Variants in NEO1 observed in about 807,000 individuals in gnomAD.
NEO1 encodes neogenin.
NEO1 carries 63 observed loss-of-function variants against 159.7 expected under a neutral mutation model. The observed-to-expected ratio is 0.39, with a 90% CI of 0.32 to 0.49. The LOEUF (loss-of-function observed/expected upper bound fraction) is 0.49. Among genes scored for constraint, NEO1 ranks in the 20% least tolerant of loss-of-function variants. The pLI, the probability that NEO1 is intolerant of heterozygous loss-of-function variation, is 0.85. For missense variants in NEO1, 1,615 were observed against 1,831.0 expected (o/e 0.88, Z 2.15); for synonymous variants, 633 against 662.0 (o/e 0.96, Z 0.67).
At chr15:73,106,237 A>AT (rs1187803396) in intron 1 of NEO1, among the ~76,000 whole-genome samples, 1 of 152,094 alleles carries the variant, frequency 6.6e-6, no homozygotes, top group Admixed American at 6.6e-5. Flanking sequence ...AAATAATACA[A>AT]TTTTTTTATT....
chr15:73,292,558 T>C (rs1291467146), intron 25 of NEO1, among the ~76,000 whole-genome samples: 1 of 152,204 alleles, frequency 6.6e-6, no homozygotes, highest in East Asian at 1.9e-4. Flanking sequence ...TGAAGCCTCA[T>C]AGAAAGTAGT....
intron 1 of NEO1, among the ~76,000 whole-genome samples, chr15:73,069,683 T>A (rs2068440861): frequency 6.6e-6 from 1 of 152,020 alleles, no homozygotes; most frequent in South Asian, 2.1e-4. Context: ...CGTATATATA[T>A]ACGCACACAC....
At chr15:73,244,295 G>A (rs752131742) in intron 8 of NEO1, 49 bp from the exon 9 acceptor site, 1 of 1,563,548 alleles carries the variant, frequency 6.4e-7, no homozygotes, top group Non-Finnish European at 8.7e-7. Context: ...TGTACATTCT[G>A]GAAGTATTCC....
chr15:73,097,342 G>C (rs932179634), intron 1 of NEO1, among the ~76,000 whole-genome samples: 34 of 148,578 alleles, frequency 2.3e-4, no homozygotes, highest in African/African-American at 8.2e-4. Flanking sequence ...TCTCATATTT[G>C]GCCAGTCAGA....
Position 73,052,595 on chromosome 15 carries a change from C to T in NEO1, c.-81C>T. 1.1e-6 allele frequency: 1 copy of T among 931,344 alleles called. No individual in the cohort carries two copies. The highest frequency in any genetic ancestry group is 1.4e-6 in the Non-Finnish European group (1 of 738,256). The allele number at this position is 931,344 out of a possible 1,614,324, so 57.7% of individuals were successfully genotyped here. ...CGGGAGCCGAGCTTGCAGCGAGGGA[C>T]CGGCTGAGGCGCGCGGGAGGGAAGG... On this transcript the variant is annotated 5_prime_UTR_variant, in exon 1 of 29. Transcript: ENST00000261908.
intron 21 of NEO1, among the ~76,000 whole-genome samples, chr15:73,276,176 T>C (rs1426843857): frequency 6.6e-6 from 1 of 152,228 alleles, no homozygotes; most frequent in Non-Finnish European, 1.5e-5. Context: ...ACACCTCTGG[T>C]ATTTAAAATT....
chr15:73,098,089 A>G (rs1567187698), intron 1 of NEO1, among the ~76,000 whole-genome samples: 1 of 151,472 alleles, frequency 6.6e-6, no homozygotes, highest in South Asian at 2.1e-4. Flanking sequence ...CACAACACAC[A>G]CACACACACA....
chr15:73,106,855 C>T (rs1464226015), intron 1 of NEO1, among the ~76,000 whole-genome samples: 1 of 152,192 alleles, frequency 6.6e-6, no homozygotes, highest in East Asian at 1.9e-4. Context: ...AATGTTAACT[C>T]TTATCATTAT....
rs148608471 is a variant in NEO1 at position 73,284,142 on chromosome 15, T to C, written c.3410+1031T>C. ...TCCTAAATTACATTCAACTCAGATATCTGGTTAGCAAAATAGATAGAAAAA... is the reference window on the plus strand; with the variant it reads ...TCCTAAATTACATTCAACTCAGATACCTGGTTAGCAAAATAGATAGAAAAA... On this transcript the variant is annotated intron_variant, in intron 23 of 28. Coordinates refer to ENST00000261908, the MANE Select transcript of NEO1 (RefSeq NM_002499.4). 9.0e-3 allele frequency among the ~76,000 whole-genome samples: 1,348 copies of C among 149,054 alleles called. 9 individuals are homozygous for C. The highest frequency in any genetic ancestry group is 0.015 in the Non-Finnish European group (988 of 66,850).
intron 27 of NEO1, among the ~76,000 whole-genome samples, chr15:73,299,513 G>C (rs905877982): frequency 6.6e-6 from 1 of 151,954 alleles, no homozygotes; most frequent in African/African-American, 2.4e-5. Flanking sequence ...AGCCTCCCAA[G>C]CAGCTGGGAC....
intron 8 of NEO1, among the ~76,000 whole-genome samples, chr15:73,237,730 TA>T (rs1286351737): frequency 6.9e-6 from 1 of 145,964 alleles, no homozygotes; most frequent in African/African-American, 2.8e-5. Context: ...GTTCTATACA[TA>T]AAAAAAGGTA....
At chr15:73,167,977 CACTCAAGAGTGG>C (rs1264534450) in intron 5 of NEO1, among the ~76,000 whole-genome samples, 2 of 152,022 alleles carry the variant, frequency 1.3e-5, no homozygotes, top group Non-Finnish European at 2.9e-5. Context: ...GAAAGTCAGA[CACTCAAGAGTGG>C]ACTTAGGAGA....
intron 23 of NEO1, among the ~76,000 whole-genome samples, chr15:73,287,324 A>G (rs2041985236): frequency 6.6e-6 from 1 of 152,204 alleles, no homozygotes; most frequent in African/African-American, 2.4e-5. Flanking sequence ...CTTAAGTCCA[A>G]CTGTTAAGAA....
intron 5 of NEO1, among the ~76,000 whole-genome samples, chr15:73,156,412 T>C (rs1304473902): frequency 1.3e-5 from 2 of 152,160 alleles, no homozygotes; most frequent in African/African-American, 4.8e-5. Flanking sequence ...TGTTGGTAGT[T>C]CCAGGTAGGC....
At chr15:73,173,897 C>T (rs1024024800) in intron 5 of NEO1, among the ~76,000 whole-genome samples, 1 of 151,764 alleles carries the variant, frequency 6.6e-6, no homozygotes, top group African/African-American at 2.4e-5. Context: ...GTCAGGAGTT[C>T]GAGACCAGCC....
At chr15:73,281,593 C>T (rs1388079779) in intron 22 of NEO1, among the ~76,000 whole-genome samples, 1 of 152,120 alleles carries the variant, frequency 6.6e-6, no homozygotes, top group Non-Finnish European at 1.5e-5. Flanking sequence ...CCAGGCCATA[C>T]TTTGATGGTA....
chr15:73,175,975 T>C (rs554639136), intron 5 of NEO1, among the ~76,000 whole-genome samples: 1 of 152,192 alleles, frequency 6.6e-6, no homozygotes, highest in Non-Finnish European at 1.5e-5. Context: ...TTATTTTACT[T>C]TGTTGTTGTT....
At chr15:73,253,288 G>A (rs1285669497) in intron 11 of NEO1, 112 bp from the exon 12 acceptor site, 16 of 541,958 alleles carry the variant, frequency 3.0e-5, no homozygotes, top group East Asian at 8.9e-5. Context: ...ATCTGGTCAC[G>A]TAATCAGTGT....
At chr15:73,068,031 G>C (rs2068312313) in intron 1 of NEO1, among the ~76,000 whole-genome samples, 1 of 152,132 alleles carries the variant, frequency 6.6e-6, no homozygotes, top group Non-Finnish European at 1.5e-5. Flanking sequence ...GACATTCCTA[G>C]ATTATTGGTT....
Sources: allele counts gnomAD v4.1 joint callset (sites outside exome capture counted in the v4.1 genomes callset), GRCh38; gene constraint gnomAD v4.1.1; transcripts MANE v1.5; gene names NCBI Gene and HGNC (gene_info 2026-07-23, HGNC 2026-07-21).